LRP8: variants seen among roughly 807,000 people sequenced by gnomAD.
LRP8 encodes the protein LDL receptor related protein 8.
LRP8 carries 46 observed loss-of-function variants against 111.6 expected under a neutral mutation model. That is an observed-to-expected ratio of 0.41 (90% CI 0.33 to 0.53). The LOEUF (loss-of-function observed/expected upper bound fraction) is 0.53. Ranked by LOEUF, LRP8 falls within the 20% of genes least tolerant of loss-of-function variation. LRP8 has a pLI of 0.20. For missense variants in LRP8, 959 were observed against 1,297.4 expected, an observed-to-expected ratio of 0.74 and a Z score of 4.01; for synonymous variants, 464 against 511.2, an observed-to-expected ratio of 0.91 and a Z score of 1.24.
At chr1:53,316,992 T>A (rs1264999391) in intron 2 of LRP8, among the ~76,000 whole-genome samples, 1 of 152,094 alleles carries the variant, frequency 6.6e-6, no homozygotes, top group Non-Finnish European at 1.5e-5. Flanking sequence ...AAGAGTGTCA[T>A]CTTGGCCCCA....
chr1:53,306,881 G>A (rs1031300606), intron 2 of LRP8, among the ~76,000 whole-genome samples: 2 of 152,234 alleles, frequency 1.3e-5, no homozygotes, highest in South Asian at 2.1e-4. Context: ...CCTGGTTTAC[G>A]AAGCCCTTTG....
In LRP8 at chr1:53,264,240, A is replaced by G. The variant is rs1557767088; in HGVS notation, c.1584T>C (p.Gly528=). ...NKTISVATVD[G]GRRRTLFSRN... is the part of the protein sequence containing the mutation. Reference sequence around the variant, plus strand: ...GGCTGAAGAGAGTGCGTCGGCGGCCACCATCAACTGTGGCCACTGAGATGG... The same window carrying G: ...GGCTGAAGAGAGTGCGTCGGCGGCCGCCATCAACTGTGGCCACTGAGATGG... Residue 528 remains glycine (G), a synonymous_variant, in exon 10 of 19, where the codon GGT becomes GGC. Coordinates refer to ENST00000306052, the MANE Select transcript of LRP8 (RefSeq NM_004631.5). 3.1e-6 allele frequency: 5 copies of G among 1,614,128 alleles called. No homozygotes were observed. The highest frequency in any genetic ancestry group is 2.5e-6 in the Non-Finnish European group (3 of 1,180,016).
At chr1:53,274,770 C>T (rs1334031713) in intron 6 of LRP8, 10 of 456,216 alleles carry the variant, frequency 2.2e-5, no homozygotes, top group Non-Finnish European at 3.5e-5. Flanking sequence ...CCGCCGTCCA[C>T]GCGCTTGCCA....
intron 2 of LRP8, 61 bp from the exon 3 acceptor site, chr1:53,289,750 C>G: frequency 6.3e-7 from 1 of 1,597,210 alleles, no homozygotes; most frequent in Admixed American, 1.7e-5. Flanking sequence ...GGTGGGCCGA[C>G]CAGGATGTGC....
Position 53,280,615 on chromosome 1 carries a change from A to G in LRP8, c.468T>C (p.Gly156=). ...TAGCACAGCCGGCCTCATCCGCTCC[A>G]CCCTCGCAGTCCTTCTCCCCGTCGC... is the stretch of plus-strand genomic sequence containing the variant. The part of the protein sequence containing the change: ...WRCDGEKDCE[G]GADEAGCATL... Residue 156 remains glycine, a synonymous_variant, in exon 4 of 19, where the codon GGT becomes GGC. Transcript: ENST00000306052. 6.2e-7 allele frequency: 1 copy of G among 1,612,964 alleles called. No individual in the cohort carries two copies. The highest frequency in any genetic ancestry group is 8.5e-7 in the Non-Finnish European group (1 of 1,179,988).
At chr1:53,258,603 T>C in intron 13 of LRP8, 132 bp from the exon 14 acceptor site, 1 of 736,674 alleles carries the variant, frequency 1.4e-6, no homozygotes, top group Non-Finnish European at 2.1e-6. Flanking sequence ...ACATTTTTTT[T>C]CTTTTTCTTT....
At chr1:53,253,734 A>G (rs1333804169) in intron 16 of LRP8, among the ~76,000 whole-genome samples, 1 of 152,184 alleles carries the variant, frequency 6.6e-6, no homozygotes, top group Non-Finnish European at 1.5e-5. Context: ...GAAGCCTTTC[A>G]AGGCCAATTC....
intron 2 of LRP8, among the ~76,000 whole-genome samples, chr1:53,291,265 A>G (rs1270336846): frequency 6.6e-6 from 1 of 152,160 alleles, no homozygotes; most frequent in African/African-American, 2.4e-5. Context: ...ACCTCAGCAC[A>G]GCAGTGACTT....
At chr1:53,252,338 C>T (rs1371057403) in intron 16 of LRP8, among the ~76,000 whole-genome samples, 2 of 151,660 alleles carry the variant, frequency 1.3e-5, no homozygotes, top group Non-Finnish European at 2.9e-5. Context: ...AAGACCAGCC[C>T]GGGCAAGATG....
intron 13 of LRP8, among the ~76,000 whole-genome samples, chr1:53,259,602 G>T (rs192628376): frequency 7.9e-5 from 12 of 151,232 alleles, no homozygotes; most frequent in Middle Eastern, 3.4e-3. Flanking sequence ...TTTTTAAGAG[G>T]TAGGGGTCTT....
intron 2 of LRP8, among the ~76,000 whole-genome samples, chr1:53,305,614 G>A (rs1651788289): frequency 6.6e-6 from 1 of 152,226 alleles, no homozygotes; most frequent in African/African-American, 2.4e-5. Flanking sequence ...CACAGTGCAG[G>A]CTACTTCAGA....
At chr1:53,327,525 C>A in intron 1 of LRP8, 2 of 392,756 alleles carry the variant, frequency 5.1e-6, no homozygotes, top group African/African-American at 2.1e-5. Flanking sequence ...ATGGCCGCCC[C>A]TCCGGCAAAG....
At chr1:53,324,567 G>C (rs574728483) in intron 2 of LRP8, among the ~76,000 whole-genome samples, 1 of 152,256 alleles carries the variant, frequency 6.6e-6, no homozygotes, top group African/African-American at 2.4e-5. Flanking sequence ...ACTATCAGCA[G>C]CGCCGCCACC....
At position 53,243,246 on chromosome 1, in the gene LRP8, A is replaced by G. The variant is rs1645674156; in HGVS notation, c.*3772T>C. The G allele has an allele frequency of 6.6e-6, 1 of 152,106 alleles. No individual in the cohort carries two copies. Among genetic ancestry groups the G allele is most frequent in the African/African-American group, 2.4e-5 (1 of 41,416 alleles). 9.4% of individuals were successfully genotyped at this position (152,106 alleles called of 1,614,324 possible). A position where few individuals can be genotyped will look rare whatever the true frequency, so the allele number is the denominator to read the frequency against. On this transcript the variant is annotated 3_prime_UTR_variant, in exon 19 of 19. Coordinates refer to ENST00000306052, the MANE Select transcript of LRP8 (RefSeq NM_004631.5). Reference sequence around the variant, plus strand: ...CCCACCAGTGCCCAACTGGACAGTGATTAGTATCCCCTCTCCAGACTCAAC... The same window carrying G: ...CCCACCAGTGCCCAACTGGACAGTGGTTAGTATCCCCTCTCCAGACTCAAC...
At chr1:53,322,712 A>G (rs1393526092) in intron 2 of LRP8, among the ~76,000 whole-genome samples, 1 of 152,236 alleles carries the variant, frequency 6.6e-6, no homozygotes, top group Non-Finnish European at 1.5e-5. Flanking sequence ...CACTGTCGTC[A>G]GATGGCTCCA....
chr1:53,265,641 G>A (rs1156491452), intron 9 of LRP8, among the ~76,000 whole-genome samples: 14 of 152,168 alleles, frequency 9.2e-5, no homozygotes, highest in South Asian at 4.1e-4. Flanking sequence ...GTGTGTGAAC[G>A]GAGTGTCTGT....
intron 2 of LRP8, among the ~76,000 whole-genome samples, chr1:53,322,602 T>A (rs1293505138): frequency 6.6e-6 from 1 of 152,146 alleles, no homozygotes; most frequent in African/African-American, 2.4e-5. Context: ...CAGAGGAGTC[T>A]ACACTGACTT....
intron 3 of LRP8, among the ~76,000 whole-genome samples, chr1:53,288,760 C>T (rs906929526): frequency 2.0e-5 from 3 of 152,324 alleles, no homozygotes; most frequent in Non-Finnish European, 2.9e-5. Context: ...GTCTCGGGCT[C>T]ACGCTGCTGA....
Position 53,260,560 on chromosome 1 carries a change from C to T in LRP8, c.1960G>A (p.Ala654Thr), listed in dbSNP as rs1235715547. The T allele has an allele frequency of 6.2e-7, 1 of 1,614,206 alleles. No homozygotes were observed. ...TDLENEAIFS[A>T]NRLNGLEISI... is the part of the protein sequence containing the mutation. ...ATTTCCAGGCCATTGAGCCGATTTG[C>T]ACTGAAAATGGCCTCGTTCTCCAGG... Residue 654 changes from alanine to threonine, a missense_variant, in exon 13 of 19, where the codon GCA becomes ACA. Ala to Thr is a moderately conservative substitution (Grantham distance 58, BLOSUM62 0). Around this residue, in one of 3 missense-constraint regions of LRP8, gnomAD observed 819 missense variants for 1,097.6 expected, o/e 0.75. Transcript: ENST00000306052.
Sources: gnomAD v4.1 joint callset for allele counts (sites outside exome capture counted in the v4.1 genomes callset) on GRCh38, gnomAD v4.1.1 for gene constraint, gnomAD v4.1.1 regional missense constraint, MANE v1.5 for transcripts, NCBI Gene and HGNC (gene_info 2026-07-23, HGNC 2026-07-21) for gene names.